CAMK2D: variants seen among roughly 807,000 people sequenced by gnomAD.
The protein encoded by CAMK2D is calcium/calmodulin-dependent protein kinase type II subunit delta.
A neutral mutation model predicts 84.0 loss-of-function variants in CAMK2D; 37 were observed. The observed-to-expected ratio is 0.44, with a 90% CI of 0.34 to 0.58. CAMK2D has a LOEUF of 0.58. CAMK2D is among the 20% of genes least tolerant of loss of function. The pLI, the probability that CAMK2D is intolerant of heterozygous loss-of-function variation, is 0.02. For synonymous variants in CAMK2D, 202 were observed against 212.5 expected (o/e 0.95, Z 0.43); for missense variants, 448 against 652.5 (o/e 0.69, Z 3.41).
intron 4 of CAMK2D, among the ~76,000 whole-genome samples, chr4:113,559,604 C>T (rs529184191): frequency 6.6e-6 from 1 of 152,366 alleles, no homozygotes; most frequent in South Asian, 2.1e-4. Flanking sequence ...TAGGCTGAAC[C>T]TTCCTGTGCA....
Position 113,553,838 on chromosome 4 carries a change from C to T in CAMK2D, c.276-1742G>A, listed in dbSNP as rs561085067. ...CACACAATGTACCTTACATAAATTA[C>T]AATGCAAAATAGTTAGACAAAAAAC... On this transcript the variant is annotated intron_variant, in intron 4 of 20. Transcript: ENST00000511664. 2.6e-5 allele frequency among the ~76,000 whole-genome samples: 4 copies of T among 152,216 alleles called. No individual in the cohort carries two copies. In the South Asian group the frequency reaches 8.3e-4, roughly 32 times the overall value.
chr4:113,539,995 T>A (rs909512299), intron 6 of CAMK2D, among the ~76,000 whole-genome samples: 1 of 152,172 alleles, frequency 6.6e-6, no homozygotes, highest in East Asian at 1.9e-4. Context: ...GCAGCTCCAA[T>A]GAAACATTAA....
intron 3 of CAMK2D, among the ~76,000 whole-genome samples, chr4:113,610,645 T>G (rs1057307611): frequency 5.9e-5 from 9 of 152,116 alleles, no homozygotes; most frequent in Non-Finnish European, 1.0e-4. Context: ...TCTATTGTTA[T>G]TAACATGAGG....
At chr4:113,615,630 G>A (rs2154271274) in intron 3 of CAMK2D, among the ~76,000 whole-genome samples, 1 of 152,114 alleles carries the variant, frequency 6.6e-6, no homozygotes, top group Middle Eastern at 3.4e-3. Context: ...CATTTTCCCA[G>A]TATAAAATAT....
At chr4:113,660,444 C>G (rs886644020) in intron 3 of CAMK2D, among the ~76,000 whole-genome samples, 1 of 152,162 alleles carries the variant, frequency 6.6e-6, no homozygotes, top group East Asian at 1.9e-4. Context: ...GTCACCCAGG[C>G]TGTCTGAAGT....
intron 16 of CAMK2D, among the ~76,000 whole-genome samples, chr4:113,498,304 A>C (rs2097972014): frequency 6.6e-6 from 1 of 152,228 alleles, no homozygotes; most frequent in African/African-American, 2.4e-5. Context: ...AGACCATTTT[A>C]TCTACCACTT....
intron 2 of CAMK2D, among the ~76,000 whole-genome samples, chr4:113,749,005 T>C (rs961027922): frequency 1.3e-5 from 2 of 151,958 alleles, no homozygotes; most frequent in African/African-American, 4.8e-5. Flanking sequence ...TCATCATGGA[T>C]ACAATTTCTA....
rs777143439 is a variant in CAMK2D, at chr4:113,454,474, C to T, written c.*71G>A. Reference sequence around the variant, plus strand: ...CGGCCCAGGGTCACCATCCAGGTGCCTTGAGAACAGAGAATGCAGAAGTGG... The same window carrying T: ...CGGCCCAGGGTCACCATCCAGGTGCTTTGAGAACAGAGAATGCAGAAGTGG... On this transcript the variant is annotated 3_prime_UTR_variant, in exon 21 of 21. Coordinates refer to ENST00000511664, the MANE Select transcript of CAMK2D (RefSeq NM_001321571.2). The T allele has an allele frequency of 1.5e-5, 12 of 778,238 alleles. No homozygotes were observed. The South Asian group carries it at 1.6e-4, about 10-fold the overall frequency. 48.2% of individuals were successfully genotyped at this position (778,238 alleles called of 1,614,324 possible).
At chr4:113,690,011 A>T (rs2099381735) in intron 2 of CAMK2D, among the ~76,000 whole-genome samples, 1 of 152,198 alleles carries the variant, frequency 6.6e-6, no homozygotes, top group Non-Finnish European at 1.5e-5. Flanking sequence ...ATTAAGTTTG[A>T]ATACCACCAA....
Position 113,467,997 on chromosome 4 carries a change from T to G in CAMK2D, c.1136-2393A>C, listed in dbSNP as rs2097498015. On this transcript the variant is annotated intron_variant, in intron 16 of 20. Coordinates refer to ENST00000511664, the MANE Select transcript of CAMK2D (RefSeq NM_001321571.2). The stretch of plus-strand genomic sequence containing the variant: ...ACAGCTGATAGGAAAAACTACAGTT[T>G]AGAAAACATGGCCAATTTGAAATGA... Among the ~76,000 whole-genome samples, 7 of 152,126 alleles carry G rather than the reference T, an allele frequency of 4.6e-5. No individual in the cohort carries two copies. In the South Asian group the frequency reaches 1.2e-3, roughly 27 times the overall value.
intron 3 of CAMK2D, among the ~76,000 whole-genome samples, chr4:113,646,780 G>A (rs1459296208): frequency 1.3e-5 from 2 of 152,234 alleles, no homozygotes; most frequent in Non-Finnish European, 2.9e-5. Flanking sequence ...CGTTCTCTGA[G>A]TGCAGTGGGA....
At chr4:113,496,319 A>G (rs981883504) in intron 16 of CAMK2D, among the ~76,000 whole-genome samples, 2 of 152,192 alleles carry the variant, frequency 1.3e-5, no homozygotes, top group Non-Finnish European at 2.9e-5. Context: ...TTTTTGGCCT[A>G]AAGAATTGTA....
chr4:113,736,364 C>G (rs1593860689), intron 2 of CAMK2D, among the ~76,000 whole-genome samples: 1 of 151,908 alleles, frequency 6.6e-6, no homozygotes, highest in Admixed American at 6.6e-5. Flanking sequence ...CTAGTTAACC[C>G]CAGAAATCAA....
At position 113,679,480 on chromosome 4, in the gene CAMK2D, T is replaced by A. The variant is rs1592920082; in HGVS notation, c.161-17708A>T. 3 of 966,322 alleles carry A rather than the reference T, an allele frequency of 3.1e-6. No individual in the cohort carries two copies. The East Asian group carries it at 3.4e-4, about 111-fold the overall frequency. The allele number at this position is 966,322 out of a possible 1,614,324, so 59.9% of individuals were successfully genotyped here. On this transcript the variant is annotated intron_variant, in intron 2 of 20. Transcript: ENST00000511664. Reference sequence around the variant, plus strand: ...TATATTCCAGCCACATATTCTCCAGTCTCTGCTTTTTCTGTCCTGATTTTA... The same window carrying A: ...TATATTCCAGCCACATATTCTCCAGACTCTGCTTTTTCTGTCCTGATTTTA...
intron 2 of CAMK2D, among the ~76,000 whole-genome samples, chr4:113,691,548 T>A (rs2099387146): frequency 6.6e-6 from 1 of 151,858 alleles, no homozygotes; most frequent in South Asian, 2.1e-4. Context: ...AGGTCAGGGG[T>A]TCGAGACCAG....
At chr4:113,678,828 G>C (rs1243851512) in intron 2 of CAMK2D, among the ~76,000 whole-genome samples, 1 of 151,506 alleles carries the variant, frequency 6.6e-6, no homozygotes, top group African/African-American at 2.4e-5. Context: ...AAAATACAAA[G>C]ACAGAAAACT....
rs1302897313 is a variant in CAMK2D at position 113,502,917 on chromosome 4, G to A, written c.1086+19C>T. 6.4e-7 allele frequency: 1 copy of A among 1,560,826 alleles called. No individual in the cohort carries two copies. Among genetic ancestry groups the A allele is most frequent in the Non-Finnish European group, 8.8e-7 (1 of 1,131,584 alleles). On this transcript the variant is annotated intron_variant, in intron 15 of 20. Transcript: ENST00000511664. ...TATAGTCTTGTTAAAGCAAGATGAT[G>A]TTGATTCTTTCTGAATACCTTGTTT...
At chr4:113,649,775 T>C (rs1050456524) in intron 3 of CAMK2D, among the ~76,000 whole-genome samples, 2 of 152,208 alleles carry the variant, frequency 1.3e-5, no homozygotes, top group South Asian at 2.1e-4. Flanking sequence ...CAATCAAGCT[T>C]AACCATTAGA....
intron 2 of CAMK2D, among the ~76,000 whole-genome samples, chr4:113,678,013 G>A (rs185065707): frequency 1.6e-4 from 25 of 152,130 alleles, no homozygotes; most frequent in Middle Eastern, 6.8e-3. Context: ...AGCTATCTAT[G>A]GTAACATCTC....
Sources: gnomAD v4.1 joint callset for allele counts (sites outside exome capture counted in the v4.1 genomes callset) on GRCh38, gnomAD v4.1.1 for gene constraint, MANE v1.5 for transcripts, NCBI Gene and HGNC (gene_info 2026-07-23, HGNC 2026-07-21) for gene names.